PDE3A: variants seen among roughly 807,000 people sequenced by gnomAD.
PDE3A encodes the protein cGMP-inhibited 3',5'-cyclic phosphodiesterase 3A.
Under a neutral mutation model 98.3 loss-of-function variants are expected in PDE3A, and 43 were observed. That is an observed-to-expected ratio of 0.44 (90% CI 0.34 to 0.56). The LOEUF is 0.56. PDE3A is among the 20% of genes least tolerant of loss of function. PDE3A has a pLI of 0.01. For synonymous variants in PDE3A, 663 were observed against 567.9 expected (o/e 1.17, Z -2.38); for missense variants, 1,427 against 1,440.7 (o/e 0.99, Z 0.15).
At chr12:20,571,919 A>T in intron 2 of PDE3A, 1 of 1,055,592 alleles carries the variant, frequency 9.5e-7, no homozygotes, top group Non-Finnish European at 1.1e-6. Flanking sequence ...ATGTTGAATC[A>T]ATGAATGAGA....
At chr12:20,615,591 T>C (rs1943984393) in intron 3 of PDE3A, among the ~76,000 whole-genome samples, 1 of 152,300 alleles carries the variant, frequency 6.6e-6, no homozygotes, top group Non-Finnish European at 1.5e-5. Flanking sequence ...TAATAACTAA[T>C]ATGTGTGTAT....
chr12:20,477,655 TC>T (rs1317982938), intron 1 of PDE3A, among the ~76,000 whole-genome samples: 1 of 152,174 alleles, frequency 6.6e-6, no homozygotes, highest in Non-Finnish European at 1.5e-5. Context: ...TTTGTATATT[TC>T]AAGGTAATTA....
Position 20,378,225 on chromosome 12 carries a change from G to T in PDE3A, c.960+7981G>T, listed in dbSNP as rs527445958. Among the ~76,000 whole-genome samples the T allele has an allele frequency of 4.0e-5, 6 of 151,660 alleles. No individual in the cohort carries two copies. In the East Asian group the frequency reaches 1.2e-3, roughly 29 times the overall value. On this transcript the variant is annotated intron_variant, in intron 1 of 15. Transcript: ENST00000359062. ...GGAGCCATTTTCTGAGTTCACTCCG[G>T]TTTGCAATTTCAAACTGATTTCAGA...
intron 1 of PDE3A, among the ~76,000 whole-genome samples, chr12:20,424,063 T>TA (rs1944565817): frequency 6.6e-6 from 1 of 152,076 alleles, no homozygotes; most frequent in Non-Finnish European, 1.5e-5. Flanking sequence ...AGGTAGAAAG[T>TA]AGTGGATTTT....
chr12:20,581,316 T>G (rs2121343295), intron 2 of PDE3A, among the ~76,000 whole-genome samples: 1 of 152,202 alleles, frequency 6.6e-6, no homozygotes, highest in East Asian at 1.9e-4. Flanking sequence ...AATAATAGAT[T>G]TTGGTTTTGG....
At chr12:20,496,527 C>T (rs1165088179) in intron 1 of PDE3A, among the ~76,000 whole-genome samples, 2 of 151,914 alleles carry the variant, frequency 1.3e-5, no homozygotes, top group Non-Finnish European at 2.9e-5. Context: ...CACCCCCCAC[C>T]GCCACCCCGC....
intron 2 of PDE3A, among the ~76,000 whole-genome samples, chr12:20,606,851 CAAAAA>C (rs370189687): frequency 4.0e-5 from 3 of 74,660 alleles, no homozygotes; most frequent in Admixed American, 1.5e-4. Context: ...AGCTCCATCT[CAAAAA>C]AAAAAAAAAA....
intron 1 of PDE3A, among the ~76,000 whole-genome samples, chr12:20,395,342 T>C (rs1943989878): frequency 6.6e-6 from 1 of 151,846 alleles, no homozygotes; most frequent in Non-Finnish European, 1.5e-5. Flanking sequence ...ATTGGTAGCA[T>C]AGTATTTATA....
At chr12:20,421,714 C>T (rs568133508) in intron 1 of PDE3A, among the ~76,000 whole-genome samples, 4 of 152,022 alleles carry the variant, frequency 2.6e-5, no homozygotes, top group African/African-American at 4.8e-5. Context: ...GTTTTGTGGC[C>T]GGGCCAGAGC....
intron 1 of PDE3A, among the ~76,000 whole-genome samples, chr12:20,498,480 T>C (rs1255679011): frequency 1.3e-5 from 2 of 152,182 alleles, no homozygotes; most frequent in Non-Finnish European, 2.9e-5. Flanking sequence ...AGCATTTACA[T>C]TGAATTAGGT....
intron 1 of PDE3A, among the ~76,000 whole-genome samples, chr12:20,500,965 A>C (rs1036983685): frequency 3.9e-5 from 6 of 151,974 alleles, no homozygotes; most frequent in Non-Finnish European, 7.4e-5. Flanking sequence ...ATGGGGTGTC[A>C]TCATGTTGCC....
intron 4 of PDE3A, among the ~76,000 whole-genome samples, chr12:20,619,385 GAT>G (rs1284060776): frequency 2.0e-5 from 3 of 151,876 alleles, no homozygotes; most frequent in Non-Finnish European, 4.4e-5. Context: ...ATATCTTTCT[GAT>G]ATATTAAAAC....
chr12:20,540,139 C>G (rs948925372), intron 1 of PDE3A, among the ~76,000 whole-genome samples: 1 of 152,076 alleles, frequency 6.6e-6, no homozygotes, highest in Non-Finnish European at 1.5e-5. Flanking sequence ...AATTTTTAAC[C>G]ACATTGTCTA....
intron 2 of PDE3A, among the ~76,000 whole-genome samples, chr12:20,599,468 G>A (rs538601294): frequency 5.9e-5 from 9 of 151,912 alleles, no homozygotes; most frequent in Non-Finnish European, 5.9e-5. Context: ...CCTCAACATT[G>A]CCCACATCAC....
intron 1 of PDE3A, among the ~76,000 whole-genome samples, chr12:20,466,681 T>C (rs984409716): frequency 1.3e-5 from 2 of 152,232 alleles, no homozygotes; most frequent in Admixed American, 6.5e-5. Context: ...GTTGCTGTTC[T>C]AGAGAAATCT....
At chr12:20,647,329 C>T (rs896824171) in intron 12 of PDE3A, among the ~76,000 whole-genome samples, 6 of 152,126 alleles carry the variant, frequency 3.9e-5, no homozygotes, top group African/African-American at 1.2e-4. Flanking sequence ...ATATAAATAC[C>T]ATTCCTTTGA....
intron 8 of PDE3A, among the ~76,000 whole-genome samples, chr12:20,636,672 A>G (rs1944522000): frequency 6.6e-6 from 1 of 152,140 alleles, no homozygotes; most frequent in African/African-American, 2.4e-5. Context: ...TTGAGAGCTT[A>G]ATTTAAGGAG....
chr12:20,678,364 T>G (rs1409502984), intron 15 of PDE3A, among the ~76,000 whole-genome samples: 1 of 152,170 alleles, frequency 6.6e-6, no homozygotes, highest in Non-Finnish European at 1.5e-5. Flanking sequence ...TCTGATTACC[T>G]ACTCACTCCA....
At chr12:20,677,711 A>G (rs910224950) in intron 15 of PDE3A, among the ~76,000 whole-genome samples, 1 of 152,186 alleles carries the variant, frequency 6.6e-6, no homozygotes, top group African/African-American at 2.4e-5. Context: ...TGCCTGTCTC[A>G]GCCTTCCAAA....
Sources: gnomAD v4.1 joint callset for allele counts (sites outside exome capture counted in the v4.1 genomes callset) on GRCh38, gnomAD v4.1.1 for gene constraint, MANE v1.5 for transcripts, NCBI Gene and HGNC (gene_info 2026-07-23, HGNC 2026-07-21) for gene names.